The following SMAD9 variants were observed in gnomAD, a reference collection of about 807,000 sequenced individuals.
SMAD9 encodes MAD homolog 9.
In SMAD9, 36 loss-of-function variants were observed where a neutral mutation model predicts 46.1. That is an observed-to-expected ratio of 0.78 (90% CI 0.60 to 1.03). SMAD9 has a LOEUF of 1.03. Ranked by LOEUF, SMAD9 falls within the 50% of genes least tolerant of loss-of-function variation. The pLI is 0.00. For synonymous variants in SMAD9, 245 were observed against 237.1 expected (o/e 1.03, Z -0.31); for missense variants, 572 against 599.8 (o/e 0.95, Z 0.48).
intron 1 of SMAD9, among the ~76,000 whole-genome samples, chr13:36,913,409 T>C (rs1034983864): frequency 6.6e-6 from 1 of 152,148 alleles, no homozygotes; most frequent in African/African-American, 2.4e-5. Context: ...AAATAATGGT[T>C]GAATGAATAT....
intron 1 of SMAD9, among the ~76,000 whole-genome samples, chr13:36,885,710 G>A (rs1302013672): frequency 2.0e-5 from 3 of 151,750 alleles, no homozygotes; most frequent in Admixed American, 6.6e-5. Flanking sequence ...CTAGGGGGCC[G>A]TAGAGAGATT....
chr13:36,865,644 T>C lies in SMAD9; in HGVS notation c.896A>G (p.Asp299Gly). 1.9e-6 allele frequency: 3 copies of C among 1,614,140 alleles called. No individual in the cohort carries two copies. The highest frequency in any genetic ancestry group is 2.2e-5 in the South Asian group (2 of 91,090). Residue 299 changes from aspartate to glycine, a missense_variant, in exon 5 of 7, where the codon GAT (aspartate) becomes GGT (glycine). Coordinates refer to ENST00000379826, the MANE Select transcript of SMAD9 (RefSeq NM_001127217.3). Reference protein sequence around the residue: ...FQASSRSVLIDGFTDPSNNRN... With the variant: ...FQASSRSVLIGGFTDPSNNRN... ...GTTATTTGAAGGGTCGGTGAACCCATCTATGAGCACACTTCGGGAGGAAGC... is the reference window on the plus strand; with the variant it reads ...GTTATTTGAAGGGTCGGTGAACCCACCTATGAGCACACTTCGGGAGGAAGC...
At chr13:36,855,110 T>C (rs765211749) in intron 5 of SMAD9, among the ~76,000 whole-genome samples, 13 of 151,804 alleles carry the variant, frequency 8.6e-5, no homozygotes, top group Non-Finnish European at 1.6e-4. Flanking sequence ...TGAAACCCTG[T>C]CTCTACTAAA....
At position 36,851,933 on chromosome 13, in the gene SMAD9, T is replaced by C. The variant is rs955918998; in HGVS notation, c.1260+1486A>G. 1.5e-5 allele frequency: 15 copies of C among 975,750 alleles called. No individual in the cohort carries two copies. In the Admixed American group the frequency reaches 4.3e-4, roughly 28 times the overall value. The allele number at this position is 975,750 out of a possible 1,614,324, so 60.4% of individuals were successfully genotyped here. A position where few individuals can be genotyped will look rare whatever the true frequency, so the allele number is the denominator to read the frequency against. On this transcript the variant is annotated intron_variant, in intron 6 of 6. Transcript: ENST00000379826. ...GAGTGAAATAATTACCTATGAGATA[T>C]TGGCATTTCATCCTAATTTTAAAAA...
At chr13:36,913,068 GT>G (rs1417291454) in intron 1 of SMAD9, among the ~76,000 whole-genome samples, 1 of 152,020 alleles carries the variant, frequency 6.6e-6, no homozygotes, top group African/African-American at 2.4e-5. Flanking sequence ...TATGTAAATG[GT>G]TTTTATATCT....
chr13:36,919,172 A>T (rs2058721089), intron 1 of SMAD9, among the ~76,000 whole-genome samples: 1 of 152,242 alleles, frequency 6.6e-6, no homozygotes, highest in Non-Finnish European at 1.5e-5. Context: ...AAGTCAACGT[A>T]GTATTTCCAA....
chr13:36,891,829 C>G (rs1191502363), intron 1 of SMAD9, among the ~76,000 whole-genome samples: 1 of 152,228 alleles, frequency 6.6e-6, no homozygotes, highest in Non-Finnish European at 1.5e-5. Flanking sequence ...TCGTCTGCTC[C>G]TTCCATCTGG....
At chr13:36,869,272 G>C (rs1023768433) in intron 3 of SMAD9, among the ~76,000 whole-genome samples, 3 of 151,266 alleles carry the variant, frequency 2.0e-5, no homozygotes, top group African/African-American at 7.3e-5. Flanking sequence ...CACCAGGCTA[G>C]AGTGCAGTGG....
chr13:36,900,901 G>T (rs1199139753), intron 1 of SMAD9, among the ~76,000 whole-genome samples: 1 of 151,826 alleles, frequency 6.6e-6, no homozygotes, highest in African/African-American at 2.4e-5. Flanking sequence ...CTCCAAAATA[G>T]AACCCTATAC....
intron 1 of SMAD9, among the ~76,000 whole-genome samples, chr13:36,883,950 C>CT (rs1456135650): frequency 3.9e-5 from 6 of 152,116 alleles, no homozygotes; most frequent in African/African-American, 1.2e-4. Flanking sequence ...CAAGACAAGG[C>CT]TCAGTCTCCA....
rs2138380695 is a variant in SMAD9 at position 36,865,613 on chromosome 13, G to C, written c.927C>G (p.Asn309Lys). Residue 309 changes from asparagine to lysine, a missense_variant, in exon 5 of 7, where the codon AAC (asparagine) becomes AAG (lysine). Physicochemically the swap from Asn to Lys is moderately conservative, Grantham distance 94. Transcript: ENST00000379826. ...TAGAAAGAAGTCCAAGACAGAATCT[G>C]TTCCTGTTATTTGAAGGGTCGGTGA... ...DGFTDPSNNR[N>K]RFCLGLLSNV... 3 of 1,614,146 alleles carry C rather than the reference G, an allele frequency of 1.9e-6. No individual in the cohort carries two copies. Among genetic ancestry groups the C allele is most frequent in the Non-Finnish European group, 2.5e-6 (3 of 1,180,010 alleles).
chr13:36,860,582 T>C (rs1008952932), intron 5 of SMAD9, among the ~76,000 whole-genome samples: 8 of 151,848 alleles, frequency 5.3e-5, no homozygotes, highest in African/African-American at 1.9e-4. Context: ...CCCGAGTAGC[T>C]GGGACTACAG....
intron 2 of SMAD9, among the ~76,000 whole-genome samples, chr13:36,876,866 T>C (rs1332947987): frequency 6.6e-6 from 1 of 152,186 alleles, no homozygotes; most frequent in Non-Finnish European, 1.5e-5. Context: ...TAAATATGGA[T>C]AGCTAACTAG....
chr13:36,883,266 TG>T (rs2058418818), intron 1 of SMAD9, among the ~76,000 whole-genome samples: 1 of 151,744 alleles, frequency 6.6e-6, no homozygotes, highest in Non-Finnish European at 1.5e-5. Context: ...GAGCATTCAC[TG>T]AAAAAAAAAC....
At chr13:36,919,839 C>CT (rs2058728837) in intron 1 of SMAD9, among the ~76,000 whole-genome samples, 1 of 145,588 alleles carries the variant, frequency 6.9e-6, no homozygotes, top group South Asian at 2.3e-4. Flanking sequence ...CCCCACCCCA[C>CT]TCCACCCCAG....
intron 1 of SMAD9, among the ~76,000 whole-genome samples, chr13:36,896,506 C>G (rs574219737): frequency 2.0e-5 from 3 of 152,092 alleles, no homozygotes; most frequent in Non-Finnish European, 4.4e-5. Flanking sequence ...CCAGACCTCC[C>G]AAATCTCTTC....
At chr13:36,882,380 G>A (rs531909397) in intron 1 of SMAD9, among the ~76,000 whole-genome samples, 13 of 152,260 alleles carry the variant, frequency 8.5e-5, no homozygotes, top group South Asian at 2.1e-4. Flanking sequence ...CAAACTGTCT[G>A]TCTGAGGTTT....
intron 1 of SMAD9, among the ~76,000 whole-genome samples, chr13:36,919,913 C>T (rs1000337067): frequency 6.6e-6 from 1 of 151,168 alleles, no homozygotes; most frequent in Non-Finnish European, 1.5e-5. Context: ...GCCGAGGAGC[C>T]TCCCAGGCTG....
rs373813161 is a variant in SMAD9 at position 36,872,731 on chromosome 13, C to T, written c.597G>A (p.Gln199=). Residue 199 remains glutamine (Q), a synonymous_variant, in exon 3 of 7, where the codon CAG becomes CAA. Transcript: ENST00000379826. The stretch of plus-strand genomic sequence containing the variant: ...GAGGGTAGCTGGCCGTGCACGGGGA[C>T]TGGGAGAACGCGTGGCTGGGTGAGG... ...LPPSPSHAFS[Q]SPCTASYPHS... 1 of 1,613,834 alleles carries T rather than the reference C, an allele frequency of 6.2e-7. No individual in the cohort carries two copies. The highest frequency in any genetic ancestry group is 1.3e-5 in the African/African-American group (1 of 74,840).
Sources: gnomAD v4.1 joint callset for allele counts (sites outside exome capture counted in the v4.1 genomes callset) on GRCh38, gnomAD v4.1.1 for gene constraint, MANE v1.5 for transcripts, NCBI Gene and HGNC (gene_info 2026-07-23, HGNC 2026-07-21) for gene names.